RNF17: variants seen among roughly 807,000 people sequenced by gnomAD.
RNF17 encodes the protein ring finger protein 17.
RNF17 carries 31 observed loss-of-function variants against 200.5 expected under a neutral mutation model. That is an observed-to-expected ratio of 0.15 (90% CI 0.12 to 0.21). The LOEUF is 0.21. Ranked by LOEUF, RNF17 falls within the 10% of genes least tolerant of loss-of-function variation. The probability of loss-of-function intolerance (pLI) is 1.00; values close to 1 mark genes in which losing one functional copy is unlikely to be tolerated. For missense variants in RNF17, 1,628 were observed against 1,905.1 expected (o/e 0.85, Z 2.71); for synonymous variants, 606 against 637.8 (o/e 0.95, Z 0.75).
At chr13:24,759,507 G>A (rs1229460248), upstream of RNF17, among the ~76,000 whole-genome samples, 2 of 152,150 alleles carry the variant, frequency 1.3e-5, no homozygotes, top group Admixed American at 1.3e-4. Flanking sequence ...GAGGAATCAA[G>A]AAATGGTCAA....
intron 23 of RNF17, 113 bp from the exon 24 acceptor site, chr13:24,851,343 G>T: frequency 1.3e-6 from 1 of 764,892 alleles, no homozygotes; most frequent in Non-Finnish European, 2.2e-6. Context: ...TGACTCAGCT[G>T]GGAATATTTC....
upstream of RNF17, chr13:24,764,031 C>T (rs988487687): frequency 1.8e-6 from 1 of 557,538 alleles, no homozygotes; most frequent in Non-Finnish European, 3.1e-6. Flanking sequence ...AGTGGTACCT[C>T]CCAGGATAAC....
chr13:24,886,039 ATGCCCT>A, the RNF17 span: 1 of 368,796 alleles, frequency 2.7e-6, no homozygotes, highest in South Asian at 2.2e-5. Context: ...TAAAACATAA[ATGCCCT>A]TGTGGCTATG....
chr13:24,861,511 CAAAT>C (rs1243812925), intron 27 of RNF17, 124 bp downstream of exon 27: 2 of 617,262 alleles, frequency 3.2e-6, no homozygotes, highest in Non-Finnish European at 2.5e-6. Flanking sequence ...AAAACACCAA[CAAAT>C]AAGTTACTAA....
chr13:24,753,320 T>A, the RNF17 span, among the ~76,000 whole-genome samples: 2 of 152,208 alleles, frequency 1.3e-5, no homozygotes, highest in Non-Finnish European at 2.9e-5. Context: ...AAGTGTGGGA[T>A]GCTGTTTGGC....
intron 25 of RNF17, among the ~76,000 whole-genome samples, chr13:24,855,019 T>C (rs2138255513): frequency 6.6e-6 from 1 of 152,268 alleles, no homozygotes; most frequent in African/African-American, 2.4e-5. Context: ...CCTGTGTGCG[T>C]CACTAAACAA....
chr13:24,849,592 G>A (rs970546013), intron 22 of RNF17, among the ~76,000 whole-genome samples: 2 of 152,174 alleles, frequency 1.3e-5, no homozygotes, highest in East Asian at 1.9e-4. Flanking sequence ...AAACTAAAAT[G>A]GATGATGAAA....
intron 6 of RNF17, among the ~76,000 whole-genome samples, chr13:24,785,591 A>G (rs1035303534): frequency 6.6e-6 from 1 of 152,148 alleles, no homozygotes; most frequent in African/African-American, 2.4e-5. Flanking sequence ...TAGTGTTCTA[A>G]ATATGTCTGT....
chr13:24,885,183 CAA>C, the RNF17 span: 1 of 858,668 alleles, frequency 1.2e-6, no homozygotes, highest in Non-Finnish European at 1.9e-6. Context: ...GCATCTTGTC[CAA>C]AGAGCCCTTA....
downstream of RNF17, chr13:24,884,478 C>A (rs746196707): frequency 2.5e-6 from 4 of 1,613,634 alleles, no homozygotes; most frequent in South Asian, 3.3e-5. Context: ...AAAACCAACA[C>A]AAGATTATCA....
chr13:24,812,452 C>T (rs1468435965), intron 15 of RNF17, among the ~76,000 whole-genome samples: 2 of 152,098 alleles, frequency 1.3e-5, no homozygotes, highest in East Asian at 1.9e-4. Context: ...AGGGAACTCC[C>T]TGACCCCTTG....
At chr13:24,867,078 T>C (rs1566249191) in intron 30 of RNF17, among the ~76,000 whole-genome samples, 1 of 152,260 alleles carries the variant, frequency 6.6e-6, no homozygotes, top group Non-Finnish European at 1.5e-5. Context: ...GAGAAATCCC[T>C]TCAAATCTAT....
intron 2 of RNF17, among the ~76,000 whole-genome samples, chr13:24,772,701 C>T (rs948659957): frequency 6.6e-6 from 1 of 151,870 alleles, no homozygotes; most frequent in East Asian, 1.9e-4. Flanking sequence ...AGCTCCTCCT[C>T]CCAGGTTCAC....
intron 11 of RNF17, among the ~76,000 whole-genome samples, chr13:24,799,147 G>A (rs1466217313): frequency 6.6e-6 from 1 of 151,932 alleles, no homozygotes; most frequent in Non-Finnish European, 1.5e-5. Flanking sequence ...CTCATAAGCT[G>A]GTTGTCATTA....
intron 28 of RNF17, among the ~76,000 whole-genome samples, chr13:24,863,836 A>G (rs1208233782): frequency 6.6e-6 from 1 of 152,188 alleles, no homozygotes; most frequent in African/African-American, 2.4e-5. Context: ...ACGAATGTGC[A>G]TGCCACACAA....
chr13:24,767,612 G>GT (rs1879907534), intron 2 of RNF17, among the ~76,000 whole-genome samples: 1 of 151,926 alleles, frequency 6.6e-6, no homozygotes, highest in African/African-American at 2.4e-5. Flanking sequence ...GCTGGACCTA[G>GT]TGGTGCACAC....
intron 25 of RNF17, among the ~76,000 whole-genome samples, chr13:24,858,318 T>C (rs544790418): frequency 2.0e-5 from 3 of 152,324 alleles, no homozygotes; most frequent in African/African-American, 7.2e-5. Flanking sequence ...AAATAGTCAT[T>C]GTTCAAACTA....
At chr13:24,884,657 G>C (rs1953959436), downstream of RNF17, among the ~76,000 whole-genome samples, 1 of 152,036 alleles carries the variant, frequency 6.6e-6, no homozygotes, top group Non-Finnish European at 1.5e-5. Context: ...GTATTAGCTG[G>C]AATTTACCTA....
chr13:24,773,503 C>T (rs763626357), intron 2 of RNF17, among the ~76,000 whole-genome samples: 48 of 152,202 alleles, frequency 3.2e-4, no homozygotes, highest in Non-Finnish European at 5.7e-4. Context: ...AAACATTGGC[C>T]ACACGTGGAC....
Sources: allele counts gnomAD v4.1 joint callset (sites outside exome capture counted in the v4.1 genomes callset), GRCh38; gene constraint gnomAD v4.1.1; transcripts MANE v1.5; gene names NCBI Gene and HGNC (gene_info 2026-07-23, HGNC 2026-07-21).